The following SAMSN1 variants were observed in gnomAD, a reference collection of about 807,000 sequenced individuals.
SAMSN1 encodes the protein SAM domain, SH3 domain and nuclear localization signals 1.
Under a neutral mutation model 42.0 loss-of-function variants are expected in SAMSN1, and 31 were observed. That is an observed-to-expected ratio of 0.74 (90% confidence interval 0.55 to 1.00). The LOEUF (loss-of-function observed/expected upper bound fraction) is 1.00, where lower values mean the gene tolerates loss of function less well. Ranked by LOEUF, SAMSN1 falls within the 50% of genes least tolerant of loss-of-function variation. SAMSN1 has a pLI of 0.00. For missense variants in SAMSN1, 464 were observed against 439.4 expected, an observed-to-expected ratio of 1.06 and a Z score of -0.50; for synonymous variants, 178 against 151.9, an observed-to-expected ratio of 1.17 and a Z score of -1.26.
intron 6 of SAMSN1, among the ~76,000 whole-genome samples, chr21:14,596,245 C>CA (rs35538453): frequency 0.053 from 8,062 of 152,062 alleles, 527 homozygotes; most frequent in African/African-American, 0.15. Flanking sequence ...TTAATACCAA[C>CA]AAAAGCCACT....
intron 2 of SAMSN1, among the ~76,000 whole-genome samples, chr21:14,559,672 T>C (rs1216307911): frequency 6.6e-6 from 1 of 152,030 alleles, no homozygotes; most frequent in East Asian, 1.9e-4. Context: ...TCTAATTTTT[T>C]TTTTTTCTTT....
exon 2 of SAMSN1, chr21:14,582,289 C>T: frequency 6.4e-7 from 1 of 1,550,770 alleles, no homozygotes; most frequent in Non-Finnish European, 8.7e-7. Flanking sequence ...AGTGATGCCA[C>T]ATGTAAGCTT....
chr21:14,625,479 T>C (rs1220284821), intron 2 of SAMSN1, among the ~76,000 whole-genome samples: 5 of 151,942 alleles, frequency 3.3e-5, no homozygotes, highest in East Asian at 1.9e-4. Flanking sequence ...TCTTATACAC[T>C]AATAACAGAC....
intron 2 of SAMSN1, among the ~76,000 whole-genome samples, chr21:14,560,729 A>G (rs757336484): frequency 6.6e-6 from 1 of 152,130 alleles, no homozygotes; most frequent in Admixed American, 6.5e-5. Flanking sequence ...TCTAACCACA[A>G]ATCTAACTGT....
chr21:14,592,933 CA>C (rs1982133549), intron 7 of SAMSN1, among the ~76,000 whole-genome samples: 1 of 152,116 alleles, frequency 6.6e-6, no homozygotes, highest in African/African-American at 2.4e-5. Flanking sequence ...TTGTTTCCCA[CA>C]GCTTTTTGAT....
intron 5 of SAMSN1, among the ~76,000 whole-genome samples, chr21:14,502,030 C>A (rs1987181760): frequency 6.6e-6 from 1 of 152,110 alleles, no homozygotes; most frequent in Non-Finnish European, 1.5e-5. Context: ...ACTTTCTGCC[C>A]CAGAGAGGAC....
At chr21:14,612,340 T>G (rs1600963282) in intron 4 of SAMSN1, among the ~76,000 whole-genome samples, 1 of 152,228 alleles carries the variant, frequency 6.6e-6, no homozygotes, top group South Asian at 2.1e-4. Flanking sequence ...AAAAGAGAGA[T>G]AATCTATTAA....
intron 2 of SAMSN1, among the ~76,000 whole-genome samples, chr21:14,574,572 G>A (rs545165575): frequency 2.0e-5 from 3 of 152,152 alleles, no homozygotes; most frequent in South Asian, 2.1e-4. Flanking sequence ...TGTGTAATTG[G>A]GAAAAGCCAA....
chr21:14,600,423 C>A lies in SAMSN1; in HGVS notation c.399+1600G>T, dbSNP rs116034946. Among the ~76,000 whole-genome samples, 1,324 of 152,214 alleles carry A rather than the reference C, an allele frequency of 8.7e-3. 26 individuals are homozygous for A. Among genetic ancestry groups the A allele is most frequent in the African/African-American group, 0.03 (1,266 of 41,526 alleles). On this transcript the variant is annotated intron_variant, in intron 6 of 15. Coordinates refer to the SAMSN1 transcript ENST00000647101. ...GATAAGACCAGTGCCTACTCCCAAA[C>A]GACGATTTTTAGATTAGATGGCTCC...
chr21:14,595,214 A>C (rs1982223498), intron 6 of SAMSN1, among the ~76,000 whole-genome samples: 1 of 152,188 alleles, frequency 6.6e-6, no homozygotes, highest in East Asian at 1.9e-4. Flanking sequence ...AGATTTGGGC[A>C]GGAACACTTA....
intron 5 of SAMSN1, among the ~76,000 whole-genome samples, chr21:14,509,139 A>AAAAAGAAAAG (rs146115046): frequency 3.3e-5 from 5 of 151,152 alleles, no homozygotes; most frequent in East Asian, 2.0e-4. Flanking sequence ...AAAGAAAAGA[A>AAAAAGAAAAG]AAAAGAAAAG....
chr21:14,534,337 C>CCAA (rs769404735), intron 1 of SAMSN1, among the ~76,000 whole-genome samples: 1 of 152,142 alleles, frequency 6.6e-6, no homozygotes, highest in Non-Finnish European at 1.5e-5. Flanking sequence ...CCTCTTGAAT[C>CCAA]CTCAACAAAA....
intron 2 of SAMSN1, among the ~76,000 whole-genome samples, chr21:14,555,164 G>A (rs953930896): frequency 1.4e-4 from 21 of 152,284 alleles, no homozygotes; most frequent in Admixed American, 1.3e-3. Flanking sequence ...GGGCCTCTGT[G>A]ATGCACACTG....
At chr21:14,591,028 T>C (rs1468454414) in intron 7 of SAMSN1, among the ~76,000 whole-genome samples, 1 of 152,144 alleles carries the variant, frequency 6.6e-6, no homozygotes, top group East Asian at 1.9e-4. Flanking sequence ...GGAAATACAA[T>C]TAATTAAAAA....
intron 2 of SAMSN1, among the ~76,000 whole-genome samples, chr21:14,570,419 A>G (rs78093780): frequency 0.013 from 1,909 of 152,312 alleles, 27 homozygotes; most frequent in African/African-American, 0.042. Context: ...CAAATGGATG[A>G]CATTTCCTTA....
chr21:14,548,962 GCA>G (rs1044561717), upstream of SAMSN1, among the ~76,000 whole-genome samples: 18 of 152,268 alleles, frequency 1.2e-4, no homozygotes, highest in Admixed American at 1.1e-3. Flanking sequence ...AATTGCAAAA[GCA>G]CAGTCTTGGT....
At chr21:14,560,391 A>G (rs576260211) in intron 2 of SAMSN1, among the ~76,000 whole-genome samples, 38 of 152,306 alleles carry the variant, frequency 2.5e-4, no homozygotes, top group Non-Finnish European at 3.8e-4. Flanking sequence ...GCTGTCCTTG[A>G]TCATTCCTGA....
chr21:14,586,878 G>A (rs1219415400), upstream of SAMSN1, among the ~76,000 whole-genome samples: 2 of 152,188 alleles, frequency 1.3e-5, no homozygotes, highest in African/African-American at 4.8e-5. Flanking sequence ...AGAGAGAAGA[G>A]AAGTCTTGGA....
chr21:14,603,067 G>A (rs190229680), intron 5 of SAMSN1, among the ~76,000 whole-genome samples: 98 of 152,244 alleles, frequency 6.4e-4, no homozygotes, highest in African/African-American at 2.2e-3. Context: ...ATTTTAAACT[G>A]AGCTGATTTT....
Sources: gnomAD v4.1 joint callset for allele counts (sites outside exome capture counted in the v4.1 genomes callset) on GRCh38, gnomAD v4.1.1 for gene constraint, MANE v1.5 for transcripts, NCBI Gene and HGNC (gene_info 2026-07-23, HGNC 2026-07-21) for gene names.